The following CDC40 variants were observed in gnomAD, a reference collection of about 807,000 sequenced individuals.
The protein encoded by CDC40 is pre-mRNA-processing factor 17.
Under a neutral mutation model 80.6 loss-of-function variants are expected in CDC40, and 27 were observed. That is an observed-to-expected ratio of 0.33 (90% CI 0.25 to 0.46). The LOEUF (loss-of-function observed/expected upper bound fraction) is 0.46, where lower values mean the gene tolerates loss of function less well. Ranked by LOEUF, CDC40 falls within the 20% of genes least tolerant of loss-of-function variation. The pLI, the probability that CDC40 is intolerant of heterozygous loss-of-function variation, is 1.00. For missense variants in CDC40, 486 were observed against 694.1 expected (o/e 0.70, Z 3.37); for synonymous variants, 221 against 232.6 (o/e 0.95, Z 0.45).
chr6:110,183,779 G>A (rs1418761949), intron 1 of CDC40, among the ~76,000 whole-genome samples: 1 of 152,098 alleles, frequency 6.6e-6, no homozygotes, highest in Non-Finnish European at 1.5e-5. Flanking sequence ...TTTAATCTAT[G>A]TTTTTTCCGA....
intron 3 of CDC40, among the ~76,000 whole-genome samples, chr6:110,204,306 C>T (rs914032828): frequency 2.6e-5 from 4 of 152,162 alleles, no homozygotes; most frequent in Non-Finnish European, 4.4e-5. Flanking sequence ...GCCACCGTGC[C>T]CGCCCTTATT....
intron 12 of CDC40, among the ~76,000 whole-genome samples, chr6:110,223,966 G>A (rs1777815331): frequency 6.6e-6 from 1 of 152,038 alleles, no homozygotes; most frequent in Admixed American, 6.6e-5. Flanking sequence ...CCGAGTAGCT[G>A]GGACTACAGT....
intron 2 of CDC40, among the ~76,000 whole-genome samples, chr6:110,198,342 A>T (rs1473373095): frequency 6.6e-6 from 1 of 151,740 alleles, no homozygotes; most frequent in Non-Finnish European, 1.5e-5. Context: ...TGCCTAGCTA[A>T]TTTTTTGTAT....
At chr6:110,192,534 G>A (rs1335613777) in intron 1 of CDC40, among the ~76,000 whole-genome samples, 1 of 152,164 alleles carries the variant, frequency 6.6e-6, no homozygotes, top group Non-Finnish European at 1.5e-5. Context: ...TCAGGTTGAA[G>A]GTTGGATATA....
At chr6:110,184,982 A>G (rs1425474200) in intron 1 of CDC40, among the ~76,000 whole-genome samples, 1 of 152,258 alleles carries the variant, frequency 6.6e-6, no homozygotes, top group African/African-American at 2.4e-5. Context: ...TATGTGAACA[A>G]CAAAATTAGT....
At position 110,204,667 on chromosome 6, in the gene CDC40, T is replaced by TTC. The variant is rs1231448142; in HGVS notation, c.407-2838_407-2837insCT. The stretch of plus-strand genomic sequence containing the variant: ...ATAAAAGTCCTATTTCTCTTTTTTT[T>TTC]TTTTTTTTTTTTTGAGACAGGATCT... On this transcript the variant is annotated intron_variant, in intron 3 of 14. Coordinates refer to ENST00000307731, the MANE Select transcript of CDC40 (RefSeq NM_015891.3). 4.0e-5 allele frequency among the ~76,000 whole-genome samples: 6 copies of TTC among 148,446 alleles called. No homozygotes were observed. In the East Asian group the frequency reaches 1.2e-3, roughly 29 times the overall value.
chr6:110,219,369 T>C lies in CDC40; in HGVS notation c.1096T>C (p.Cys366Arg), dbSNP rs772917543. 2.1e-6 allele frequency: 3 copies of C among 1,453,860 alleles called. No homozygotes were observed. Among genetic ancestry groups the C allele is most frequent in the African/African-American group, 1.4e-5 (1 of 71,624 alleles). 90.1% of individuals were successfully genotyped at this position (1,453,860 alleles called of 1,614,324 possible). ...ATTTGAGTCTTTGGTTTTAGGACAG[T>C]GTATATCAAGATTTACAAACCGAAA... ...LKLWDTETGQ[C>R]ISRFTNRKVP... The change falls in exon 11 of 15, where the codon TGT (cysteine) becomes CGT (arginine). Residue 366 changes from cysteine to arginine, a missense_variant. Physicochemically the swap from Cys to Arg is radical, Grantham distance 180. This residue lies in a region of CDC40 where 381 missense variants were observed against 492.1 expected (regional missense o/e 0.77). Transcript: ENST00000307731.
chr6:110,219,976 A>G (rs1250542613), intron 12 of CDC40, 107 bp downstream of exon 12: 6 of 1,193,674 alleles, frequency 5.0e-6, no homozygotes, highest in Non-Finnish European at 5.8e-6. Flanking sequence ...TATTTTTTGC[A>G]ACTGTGATCC....
At chr6:110,211,878 T>A (rs1777641074) in intron 6 of CDC40, 1 of 345,552 alleles carries the variant, frequency 2.9e-6, no homozygotes, top group Non-Finnish European at 5.3e-6. Flanking sequence ...TGAAAAGAAG[T>A]ATAGATATTA....
intron 1 of CDC40, among the ~76,000 whole-genome samples, chr6:110,180,849 C>A (rs1777176615): frequency 6.6e-6 from 1 of 152,220 alleles, no homozygotes; most frequent in African/African-American, 2.4e-5. Flanking sequence ...CTCCCGCCAT[C>A]AGAAAGCAAG....
chr6:110,229,584 G>A (rs539066062), intron 14 of CDC40, among the ~76,000 whole-genome samples: 1 of 152,268 alleles, frequency 6.6e-6, no homozygotes, highest in South Asian at 2.1e-4. Flanking sequence ...AAGTAATTAT[G>A]AAAGTGTTAG....
intron 1 of CDC40, among the ~76,000 whole-genome samples, chr6:110,185,330 C>T (rs1481917676): frequency 1.3e-5 from 2 of 148,314 alleles, no homozygotes; most frequent in Non-Finnish European, 3.0e-5. Context: ...GCAAGCTCCG[C>T]CTCCCGGGTT....
intron 12 of CDC40, among the ~76,000 whole-genome samples, chr6:110,222,041 A>G (rs1333854216): frequency 6.6e-6 from 1 of 151,890 alleles, no homozygotes; most frequent in Non-Finnish European, 1.5e-5. Flanking sequence ...GGATCACTTG[A>G]ACCCAGGAGT....
rs1317152007 is a variant in CDC40 at position 110,212,171 on chromosome 6, C to A, written c.766C>A (p.His256Asn). 1 of 1,613,470 alleles carries A rather than the reference C, an allele frequency of 6.2e-7. No homozygotes were observed. The highest frequency in any genetic ancestry group is 2.2e-5 in the East Asian group (1 of 44,856). Residue 256 changes from histidine to asparagine, a missense_variant, in exon 7 of 15, where the codon CAC (histidine) becomes AAC (asparagine). Coordinates refer to ENST00000307731, the MANE Select transcript of CDC40 (RefSeq NM_015891.3). ...TGACTATCAAGGCAGGTCCTATCTT[C>A]ACATACCTCAGGATGTTGGTGTTAA... Reference protein sequence around the residue: ...MYDYQGRSYLHIPQDVGVNLR... With the variant: ...MYDYQGRSYLNIPQDVGVNLR...
intron 2 of CDC40, among the ~76,000 whole-genome samples, chr6:110,195,307 G>A (rs1470748101): frequency 6.6e-6 from 1 of 151,394 alleles, no homozygotes; most frequent in Non-Finnish European, 1.5e-5. Context: ...GCTGTTTGTT[G>A]GTTTGGTCAA....
rs759791971 is a variant in CDC40 at position 110,193,296 on chromosome 6, T to C, written c.276+28T>C. On this transcript the variant is annotated intron_variant, in intron 2 of 14. Coordinates refer to ENST00000307731, the MANE Select transcript of CDC40 (RefSeq NM_015891.3). ...AAGAAAACATACTTAAGGTTCTGACTTTTGCTAAAGAATTTAAATCATAGT... is the reference window on the plus strand; with the variant it reads ...AAGAAAACATACTTAAGGTTCTGACCTTTGCTAAAGAATTTAAATCATAGT... The C allele has an allele frequency of 6.0e-6, 8 of 1,325,130 alleles. No individual in the cohort carries two copies. The East Asian group carries it at 1.8e-4, about 30-fold the overall frequency. The allele number at this position is 1,325,130 out of a possible 1,614,324, so 82.1% of individuals were successfully genotyped here. A position where few individuals can be genotyped will look rare whatever the true frequency, so the allele number is the denominator to read the frequency against.
At chr6:110,203,946 A>G (rs899818737) in intron 3 of CDC40, among the ~76,000 whole-genome samples, 11 of 152,224 alleles carry the variant, frequency 7.2e-5, no homozygotes, top group African/African-American at 2.7e-4. Flanking sequence ...TTTTAAATAA[A>G]TACTTTTAGT....
chr6:110,187,954 T>G (rs1322479357), intron 1 of CDC40, among the ~76,000 whole-genome samples: 2 of 152,214 alleles, frequency 1.3e-5, no homozygotes, highest in Non-Finnish European at 2.9e-5. Flanking sequence ...GGTTGTGGTA[T>G]TGTCCAAGTT....
intron 1 of CDC40, among the ~76,000 whole-genome samples, chr6:110,189,221 A>G (rs913626713): frequency 6.6e-6 from 1 of 152,182 alleles, no homozygotes; most frequent in Non-Finnish European, 1.5e-5. Context: ...TGGTGCTAGC[A>G]TGTTAGTGTT....
Sources: allele counts gnomAD v4.1 joint callset (sites outside exome capture counted in the v4.1 genomes callset), GRCh38; gene constraint gnomAD v4.1.1; regional missense constraint gnomAD v4.1.1; transcripts MANE v1.5; gene names NCBI Gene and HGNC (gene_info 2026-07-23, HGNC 2026-07-21).